The following TMEM44 variants were observed in gnomAD, a reference collection of about 807,000 sequenced individuals.
TMEM44 encodes transmembrane protein 44.
In TMEM44, 43 loss-of-function variants were observed where a neutral mutation model predicts 47.8. That is an observed-to-expected ratio of 0.90 (90% CI 0.70 to 1.16). The LOEUF (loss-of-function observed/expected upper bound fraction) is 1.16, where lower values mean the gene tolerates loss of function less well. Ranked by LOEUF, TMEM44 falls within the 50% of genes most tolerant of loss-of-function variation. TMEM44 has a pLI of 0.00. For synonymous variants in TMEM44, 277 were observed against 238.8 expected, an observed-to-expected ratio of 1.16 and a Z score of -1.48; for missense variants, 568 against 555.2, an observed-to-expected ratio of 1.02 and a Z score of -0.23.
intron 2 of TMEM44, 77 bp from the exon 3 acceptor site, chr3:194,626,067 C>G: frequency 8.7e-7 from 1 of 1,153,084 alleles, no homozygotes; most frequent in Non-Finnish European, 1.3e-6. Context: ...ATCCGGGACC[C>G]TGTATCACAT....
intron 5 of TMEM44, among the ~76,000 whole-genome samples, chr3:194,619,859 C>T (rs759972816): frequency 2.6e-5 from 4 of 152,224 alleles, no homozygotes; most frequent in African/African-American, 7.2e-5. Flanking sequence ...CTCACTCTAT[C>T]GTCCTGCCCA....
chr3:194,614,037 G>A (rs1449432808), intron 7 of TMEM44, among the ~76,000 whole-genome samples: 6 of 151,964 alleles, frequency 3.9e-5, no homozygotes, highest in East Asian at 2.0e-4. Context: ...CAGGAGAATC[G>A]CTTGAACCCG....
chr3:194,624,267 G>C (rs769869896), intron 3 of TMEM44, among the ~76,000 whole-genome samples: 5 of 150,800 alleles, frequency 3.3e-5, no homozygotes, highest in Non-Finnish European at 7.4e-5. Flanking sequence ...GGGCTCAAGC[G>C]ATCTCCCACC....
At chr3:194,616,368 T>C in intron 6 of TMEM44, 1 of 324,796 alleles carries the variant, frequency 3.1e-6, no homozygotes, top group Non-Finnish European at 6.1e-6. Flanking sequence ...GTGACCTTAT[T>C]CGGAAGTAGG....
chr3:194,619,480 G>A (rs1716293473), intron 5 of TMEM44, among the ~76,000 whole-genome samples: 1 of 152,182 alleles, frequency 6.6e-6, no homozygotes, highest in Non-Finnish European at 1.5e-5. Context: ...GACAGGCCTC[G>A]GATGGTCTCT....
At position 194,593,632 on chromosome 3, in the gene TMEM44, C is replaced by T. The variant is rs142697853; in HGVS notation, c.1177-4993G>A. 2.2e-3 allele frequency among the ~76,000 whole-genome samples: 328 copies of T among 152,228 alleles called. 1 individual carries two copies. Among genetic ancestry groups the T allele is most frequent in the African/African-American group, 7.4e-3 (308 of 41,550 alleles). On this transcript the variant is annotated intron_variant, in intron 9 of 9. Coordinates refer to ENST00000347147, the MANE Select transcript of TMEM44 (RefSeq NM_001011655.3). ...CTTGTTACTCCAGCACCTCCTGCAG[C>T]GCCTGGGAAACATATGTTTCTGACA...
chr3:194,617,054 T>G (rs976555388), intron 6 of TMEM44, 45 bp downstream of exon 6: 11 of 1,444,388 alleles, frequency 7.6e-6, no homozygotes, highest in Admixed American at 2.9e-5. Context: ...GACACAGGCC[T>G]CCTCTGGCTG....
In TMEM44 at chr3:194,604,358, C is replaced by T. The variant is rs142364954; in HGVS notation, c.1105G>A (p.Val369Ile). 2.7e-4 allele frequency: 431 copies of T among 1,567,984 alleles called. No homozygotes were observed. Among genetic ancestry groups the T allele is most frequent in the Non-Finnish European group, 3.2e-4 (368 of 1,156,632 alleles). Reference sequence around the variant, plus strand: ...GACACCCGGGCCCGGATGACCTGAACGGGAGGGTACGACGGGGGGTCCTGC... The same window carrying T: ...GACACCCGGGCCCGGATGACCTGAATGGGAGGGTACGACGGGGGGTCCTGC... The part of the protein sequence containing the change: ...SLQDPPSYPP[V>I]QVIRARVSSG... Residue 369 changes from valine (V) to isoleucine (I), a missense_variant, in exon 9 of 10, where the codon GTT becomes ATT. Transcript: ENST00000347147.
chr3:194,594,145 A>G (rs71317914), intron 9 of TMEM44, among the ~76,000 whole-genome samples: 37,576 of 126,268 alleles, frequency 0.3, 5,116 homozygotes, highest in East Asian at 0.55. Context: ...CTATCTATCT[A>G]TCTATCTATC....
At chr3:194,616,942 T>G in intron 6 of TMEM44, 157 bp downstream of exon 6, 19 of 756,462 alleles carry the variant, frequency 2.5e-5, no homozygotes, top group Non-Finnish European at 3.7e-5. Context: ...AATAATTGCA[T>G]TTGTGTTTGC....
At position 194,617,168 on chromosome 3, in the gene TMEM44, G is replaced by A. The variant is rs1291785292; in HGVS notation, c.714C>T (p.His238=). Residue 238 remains histidine, a synonymous_variant, in exon 6 of 10, where the codon CAC becomes CAT. Coordinates refer to ENST00000347147, the MANE Select transcript of TMEM44 (RefSeq NM_001011655.3). ...YASAIVAHDQ[H]PEYLLRATPW... ...GTGTGGCCCGCAGCAGGTACTCAGG[G>A]TGCTGGTCGTGGGCCACAATGGCCG... 1 of 1,556,736 alleles carries A rather than the reference G, an allele frequency of 6.4e-7. No individual in the cohort carries two copies. The highest frequency in any genetic ancestry group is 1.4e-5 in the African/African-American group (1 of 73,496).
intron 9 of TMEM44, among the ~76,000 whole-genome samples, chr3:194,598,739 C>T (rs9854887): frequency 0.43 from 64,887 of 152,078 alleles, 14,724 homozygotes; most frequent in East Asian, 0.77. Context: ...CCTAGCGTAC[C>T]GCAAGAAGTA....
At chr3:194,623,453 C>A in intron 4 of TMEM44, 76 bp downstream of exon 4, 1 of 1,517,810 alleles carries the variant, frequency 6.6e-7, no homozygotes, top group Non-Finnish European at 8.8e-7. Context: ...CTCCCCTAGC[C>A]CCGGCCTCAT....
rs893087316 is a variant in TMEM44, at chr3:194,604,300, T to C, written c.1163A>G (p.Asn388Ser). 1 of 1,580,558 alleles carries C rather than the reference T, an allele frequency of 6.3e-7. No individual in the cohort carries two copies. Residue 388 changes from asparagine to serine, a missense_variant, in exon 9 of 10, where the codon AAC (asparagine) becomes AGC (serine). Transcript: ENST00000347147. ...ACAGCCGTGTACCTCCAGGTCGGAG[T>C]TGATGGAGGAGACCTCAGAGGAGCT... ...SGSSSEVSSI[N>S]SDLEWDPEDV...
intron 1 of TMEM44, 95 bp from the exon 2 acceptor site, chr3:194,628,604 G>A: frequency 5.6e-6 from 8 of 1,427,512 alleles, no homozygotes; most frequent in Non-Finnish European, 7.5e-6. Context: ...CGCATCGTCA[G>A]GGAGCTCTTT....
At chr3:194,616,404 G>A (rs1577201423) in intron 6 of TMEM44, 1 of 351,176 alleles carries the variant, frequency 2.8e-6, no homozygotes, top group East Asian at 7.8e-5. Context: ...ATTAGACAAT[G>A]AAGTCATAGT....
chr3:194,594,846 T>C (rs1713208055), intron 9 of TMEM44, among the ~76,000 whole-genome samples: 1 of 152,200 alleles, frequency 6.6e-6, no homozygotes, highest in South Asian at 2.1e-4. Flanking sequence ...AAAGCTTAAA[T>C]CTTCAGCGTT....
chr3:194,601,505 T>G (rs567163555), intron 9 of TMEM44, among the ~76,000 whole-genome samples: 1 of 152,184 alleles, frequency 6.6e-6, no homozygotes, highest in Middle Eastern at 3.4e-3. Flanking sequence ...GGTTTCTCCA[T>G]GTTGGTCAGG....
At chr3:194,605,116 C>T (rs1714629778) in intron 8 of TMEM44, among the ~76,000 whole-genome samples, 1 of 151,546 alleles carries the variant, frequency 6.6e-6, no homozygotes, top group South Asian at 2.1e-4. Flanking sequence ...TTCTATGTAT[C>T]TATGTATCTA....
Sources: gnomAD v4.1 joint callset for allele counts (sites outside exome capture counted in the v4.1 genomes callset) on GRCh38, gnomAD v4.1.1 for gene constraint, MANE v1.5 for transcripts, NCBI Gene and HGNC (gene_info 2026-07-23, HGNC 2026-07-21) for gene names.